POU6F2: variants seen among roughly 807,000 people sequenced by gnomAD.
The protein encoded by POU6F2 is POU class 6 homeobox 2.
In POU6F2, 31 loss-of-function variants were observed where a neutral mutation model predicts 71.3. The observed-to-expected ratio is 0.43, with a 90% CI of 0.33 to 0.59. POU6F2 has a LOEUF of 0.59. Ranked by LOEUF, POU6F2 falls within the 20% of genes least tolerant of loss-of-function variation. The pLI, the probability that POU6F2 is intolerant of heterozygous loss-of-function variation, is 0.04. For synonymous variants in POU6F2, 347 were observed against 355.7 expected, an observed-to-expected ratio of 0.98 and a Z score of 0.27; for missense variants, 783 against 856.8, an observed-to-expected ratio of 0.91 and a Z score of 1.07.
chr7:39,167,884 T>G (rs1290989762), intron 2 of POU6F2, among the ~76,000 whole-genome samples: 1 of 152,028 alleles, frequency 6.6e-6, no homozygotes, highest in East Asian at 1.9e-4. Context: ...TATGTTATAC[T>G]TATTTTTGGC....
chr7:39,034,559 G>A, intron 1 of POU6F2: 1 of 359,008 alleles, frequency 2.8e-6, no homozygotes, highest in Non-Finnish European at 6.0e-6. Flanking sequence ...TTCGCTCTGG[G>A]CTTTGATGCT....
intron 4 of POU6F2, among the ~76,000 whole-genome samples, chr7:39,231,301 A>G (rs1038472191): frequency 3.9e-5 from 6 of 152,156 alleles, no homozygotes; most frequent in Non-Finnish European, 8.8e-5. Flanking sequence ...TTCACAGTCT[A>G]ATGGGATTGA....
intron 1 of POU6F2, among the ~76,000 whole-genome samples, chr7:39,003,826 T>C (rs1788982908): frequency 6.6e-6 from 1 of 151,924 alleles, no homozygotes; most frequent in Non-Finnish European, 1.5e-5. Flanking sequence ...TTCAAAGAAA[T>C]TGACCTGGGT....
At chr7:39,149,418 G>A (rs1444600428) in intron 2 of POU6F2, among the ~76,000 whole-genome samples, 1 of 151,760 alleles carries the variant, frequency 6.6e-6, no homozygotes, top group Non-Finnish European at 1.5e-5. Context: ...GTGTATAATC[G>A]AAGTTTACAA....
Position 39,451,696 on chromosome 7 carries a change from T to A in POU6F2, c.1484T>A (p.Val495Asp). ...TCAGCTTTGAGCGTGGGCCAGTTAGTCAGCAGTAAGTATCCTTTCTGGCTC... is the reference window on the plus strand; with the variant it reads ...TCAGCTTTGAGCGTGGGCCAGTTAGACAGCAGTAAGTATCCTTTCTGGCTC... Reference protein sequence around the residue: ...SSSALSVGQLVSNPQTAAGEV... With the variant: ...SSSALSVGQLDSNPQTAAGEV... The change falls in exon 8 of 10, where the codon GTC becomes GAC. Residue 495 changes from valine (V) to aspartate (D), a missense_variant. Transcript: ENST00000518318. The A allele has an allele frequency of 6.3e-7, 1 of 1,587,180 alleles. No individual in the cohort carries two copies. Among genetic ancestry groups the A allele is most frequent in the Non-Finnish European group, 8.6e-7 (1 of 1,166,372 alleles).
chr7:39,241,783 CTT>C (rs1382163523), intron 4 of POU6F2, among the ~76,000 whole-genome samples: 1 of 152,104 alleles, frequency 6.6e-6, no homozygotes, highest in Non-Finnish European at 1.5e-5. Flanking sequence ...AAAATCCACT[CTT>C]TTCAGTATAC....
chr7:39,149,378 T>G (rs1194374510), intron 2 of POU6F2, among the ~76,000 whole-genome samples: 2 of 152,234 alleles, frequency 1.3e-5, no homozygotes, highest in African/African-American at 4.8e-5. Flanking sequence ...TGTTTTTATT[T>G]ATTTGTTAAT....
At chr7:39,115,720 A>G (rs1387693757) in intron 2 of POU6F2, among the ~76,000 whole-genome samples, 1 of 152,142 alleles carries the variant, frequency 6.6e-6, no homozygotes, top group Non-Finnish European at 1.5e-5. Context: ...GGAGCTCAGT[A>G]TCAGGCCTGG....
chr7:39,380,268 T>C (rs1202647965), intron 5 of POU6F2, among the ~76,000 whole-genome samples: 1 of 152,236 alleles, frequency 6.6e-6, no homozygotes, highest in East Asian at 1.9e-4. Flanking sequence ...CTCCCAGGCC[T>C]CTTGGACAAG....
At chr7:39,022,055 G>C (rs1789689841) in intron 1 of POU6F2, among the ~76,000 whole-genome samples, 1 of 152,068 alleles carries the variant, frequency 6.6e-6, no homozygotes, top group African/African-American at 2.4e-5. Context: ...CTCTTAGGAA[G>C]ACTTTAGGAT....
intron 4 of POU6F2, among the ~76,000 whole-genome samples, chr7:39,302,782 C>G (rs1784973811): frequency 6.6e-6 from 1 of 152,212 alleles, no homozygotes. Flanking sequence ...CATTAGAGTA[C>G]AGTAAGTGTT....
In POU6F2 at chr7:39,465,835, AT is replaced by A. The variant is rs1181902069; in HGVS notation, c.*1152del. On this transcript the variant is annotated 3_prime_UTR_variant, in exon 10 of 10. Transcript: ENST00000518318. ...TTTGTAATATAAACATAAGCTGCAC[AT>A]TTGGTTCAATACTTACATCTATGTT... 2 of 152,234 alleles carry A rather than the reference AT, an allele frequency of 1.3e-5. No homozygotes were observed. The highest frequency in any genetic ancestry group is 2.9e-5 in the Non-Finnish European group (2 of 68,040). The allele number at this position is 152,234 out of a possible 1,614,324, so 9.4% of individuals were successfully genotyped here.
chr7:39,152,353 A>C (rs1344155787), intron 2 of POU6F2, among the ~76,000 whole-genome samples: 4 of 151,836 alleles, frequency 2.6e-5, no homozygotes, highest in African/African-American at 4.8e-5. Flanking sequence ...GCTGGAAAAA[A>C]CCTTTCTGTC....
At chr7:39,349,083 T>C (rs1167992359) in intron 5 of POU6F2, among the ~76,000 whole-genome samples, 1 of 152,160 alleles carries the variant, frequency 6.6e-6, no homozygotes, top group Non-Finnish European at 1.5e-5. Context: ...GGACAGTATG[T>C]AGAAATCCAC....
intron 1 of POU6F2, among the ~76,000 whole-genome samples, chr7:39,049,846 G>A (rs1790369221): frequency 6.6e-6 from 1 of 151,684 alleles, no homozygotes; most frequent in Non-Finnish European, 1.5e-5. Flanking sequence ...CTAGTTCTTT[G>A]AACATATATA....
chr7:39,238,040 G>GT (rs1204622915), intron 4 of POU6F2, among the ~76,000 whole-genome samples: 1 of 152,084 alleles, frequency 6.6e-6, no homozygotes, highest in Non-Finnish European at 1.5e-5. Context: ...ACAGAAAAAA[G>GT]CGCACATCCC....
At chr7:39,196,013 C>T (rs1457096975) in intron 2 of POU6F2, among the ~76,000 whole-genome samples, 1 of 152,226 alleles carries the variant, frequency 6.6e-6, no homozygotes. Flanking sequence ...TTAAAGCCAG[C>T]TCTTGGTAAT....
At chr7:39,363,878 C>T (rs1330811079) in intron 5 of POU6F2, among the ~76,000 whole-genome samples, 1 of 151,848 alleles carries the variant, frequency 6.6e-6, no homozygotes, top group Non-Finnish European at 1.5e-5. Context: ...AAAGTGGATT[C>T]AAAAAGAAAT....
chr7:39,236,556 C>A (rs1794680474), intron 4 of POU6F2, among the ~76,000 whole-genome samples: 1 of 152,160 alleles, frequency 6.6e-6, no homozygotes, highest in South Asian at 2.1e-4. Context: ...CTTGAGCAAG[C>A]TTGTAAGTTT....
Sources: gnomAD v4.1 joint callset for allele counts (sites outside exome capture counted in the v4.1 genomes callset) on GRCh38, gnomAD v4.1.1 for gene constraint, MANE v1.5 for transcripts, NCBI Gene and HGNC (gene_info 2026-07-23, HGNC 2026-07-21) for gene names.